NAALAD2: variants seen among roughly 807,000 people sequenced by gnomAD.
NAALAD2 encodes N-acetylated-alpha-linked acidic dipeptidase 2.
NAALAD2 carries 89 observed loss-of-function variants against 95.6 expected under a neutral mutation model. The ratio of observed to expected loss-of-function variants is 0.93; its 90% CI spans 0.78 to 1.11. NAALAD2 has a LOEUF of 1.11. NAALAD2 is among the 50% of genes least tolerant of loss of function. The pLI is 0.00. For synonymous variants in NAALAD2, 264 were observed against 294.4 expected, an observed-to-expected ratio of 0.90 and a Z score of 1.06; for missense variants, 894 against 872.4, an observed-to-expected ratio of 1.02 and a Z score of -0.31.
At chr11:90,170,327 CTTTG>C (rs1419599222) in intron 13 of NAALAD2, among the ~76,000 whole-genome samples, 191 bp downstream of exon 13, 2 of 152,184 alleles carry the variant, frequency 1.3e-5, no homozygotes, top group African/African-American at 4.8e-5. Flanking sequence ...TCACCAGCTT[CTTTG>C]TTCTAGCAAT....
intron 15 of NAALAD2, among the ~76,000 whole-genome samples, chr11:90,177,313 C>CTT (rs200479754): frequency 1.3e-4 from 18 of 140,868 alleles, no homozygotes; most frequent in African/African-American, 4.1e-4. Flanking sequence ...TGCCCAGAAC[C>CTT]TTTTTTTTTT....
At chr11:90,164,104 T>G in intron 11 of NAALAD2, 1 of 174,696 alleles carries the variant, frequency 5.7e-6, no homozygotes, top group Non-Finnish European at 1.2e-5. Context: ...ATAAGTATAC[T>G]TTAGCATTTA....
Position 90,158,176 on chromosome 11 carries a change from A to C in NAALAD2, c.828A>C (p.Gly276=). 1 of 1,609,788 alleles carries C rather than the reference A, an allele frequency of 6.2e-7. No individual in the cohort carries two copies. Reference sequence around the variant, plus strand: ...CTTTCAGACTTGATGTTGAAGAAGGAGTGGGAATCCCCCGAATACCTGTAC... The same window carrying C: ...CTTTCAGACTTGATGTTGAAGAAGGCGTGGGAATCCCCCGAATACCTGTAC... The part of the protein sequence containing the change: ...EYTFRLDVEE[G]VGIPRIPVHP... The change falls in exon 7 of 19, where the codon GGA becomes GGC. Residue 276 remains glycine, a synonymous_variant. Transcript: ENST00000534061.
intron 7 of NAALAD2, chr11:90,158,864 C>CT (rs1952201765): frequency 4.8e-6 from 1 of 206,922 alleles, no homozygotes; most frequent in South Asian, 8.4e-5. Flanking sequence ...TAATCAGCAG[C>CT]TTTTTTACAA....
intron 4 of NAALAD2, 143 bp from the exon 5 acceptor site, chr11:90,150,339 A>G (rs1951853712): frequency 6.8e-6 from 3 of 440,438 alleles, no homozygotes; most frequent in East Asian, 3.4e-5. Flanking sequence ...TGAATTCTGC[A>G]TAATTACTGT....
intron 18 of NAALAD2, among the ~76,000 whole-genome samples, chr11:90,186,184 C>A (rs552326807): frequency 2.6e-5 from 4 of 151,568 alleles, no homozygotes; most frequent in Non-Finnish European, 5.9e-5. Context: ...CTCCTCCCCC[C>A]ACCCCACCAC....
intron 14 of NAALAD2, 133 bp downstream of exon 14, chr11:90,174,048 C>T: frequency 1.4e-6 from 1 of 698,682 alleles, no homozygotes; most frequent in East Asian, 2.8e-5. Flanking sequence ...TGAAGAATTC[C>T]TGGCCGAGCC....
At chr11:90,156,603 C>A (rs1952125328) in intron 6 of NAALAD2, among the ~76,000 whole-genome samples, 2 of 151,890 alleles carry the variant, frequency 1.3e-5, no homozygotes, top group South Asian at 4.2e-4. Context: ...AGACAAGATT[C>A]CACTCTGTCA....
At chr11:90,141,169 T>C (rs1028990344) in intron 2 of NAALAD2, among the ~76,000 whole-genome samples, 15 of 152,184 alleles carry the variant, frequency 9.9e-5, no homozygotes, top group African/African-American at 2.7e-4. Context: ...TAGAATGATT[T>C]CTCTTACCTT....
intron 11 of NAALAD2, among the ~76,000 whole-genome samples, chr11:90,167,127 G>A (rs1215502727): frequency 6.6e-6 from 1 of 152,216 alleles, no homozygotes; most frequent in African/African-American, 2.4e-5. Context: ...CTGCACTGTG[G>A]GAGCCCCTTT....
intron 8 of NAALAD2, among the ~76,000 whole-genome samples, chr11:90,162,108 G>C (rs1450973756): frequency 6.6e-6 from 1 of 152,048 alleles, no homozygotes; most frequent in African/African-American, 2.4e-5. Flanking sequence ...TCACAAACTA[G>C]AAACAACGGA....
rs748421246 is a variant in NAALAD2 at position 90,192,014 on chromosome 11, G to A, written c.*267G>A. The A allele has an allele frequency of 1.3e-4, 28 of 212,750 alleles. No individual in the cohort carries two copies. The highest frequency in any genetic ancestry group is 2.3e-4 in the Non-Finnish European group (25 of 108,330). 13.2% of individuals were successfully genotyped at this position (212,750 alleles called of 1,614,324 possible). A position where few individuals can be genotyped will look rare whatever the true frequency, so the allele number is the denominator to read the frequency against. ...TTCCCTAAATTATAGCAAGGAACAT[G>A]AATTCTCAGACATTGTGAGTGTGGG... On this transcript the variant is annotated 3_prime_UTR_variant, in exon 19 of 19. Transcript: ENST00000534061.
chr11:90,178,768 AT>A (rs1342325497), intron 16 of NAALAD2, among the ~76,000 whole-genome samples: 1 of 152,208 alleles, frequency 6.6e-6, no homozygotes, highest in African/African-American at 2.4e-5. Context: ...TTACATACGT[AT>A]TTTTAATTAT....
intron 8 of NAALAD2, chr11:90,162,459 T>G (rs1952323506): frequency 6.6e-6 from 1 of 152,054 alleles, no homozygotes; most frequent in East Asian, 1.9e-4. Context: ...ACATATCATT[T>G]CCATAATCAT....
intron 14 of NAALAD2, among the ~76,000 whole-genome samples, chr11:90,174,728 GTTT>G (rs1294605813): frequency 6.6e-6 from 1 of 151,414 alleles, no homozygotes; most frequent in Non-Finnish European, 1.5e-5. Context: ...ATATTTATTT[GTTT>G]TTATTTTCTT....
intron 11 of NAALAD2, chr11:90,164,086 T>C: frequency 5.3e-6 from 1 of 189,670 alleles, no homozygotes; most frequent in Middle Eastern, 2.2e-3. Flanking sequence ...CCATTTAAAA[T>C]GGCAACCATA....
At chr11:90,146,804 C>T (rs1355399640) in intron 2 of NAALAD2, among the ~76,000 whole-genome samples, 3 of 152,080 alleles carry the variant, frequency 2.0e-5, no homozygotes, top group Non-Finnish European at 1.5e-5. Context: ...CAAGCCTGTA[C>T]ATTTTGGGTA....
At chr11:90,155,693 ATATG>A (rs1291548606) in intron 6 of NAALAD2, among the ~76,000 whole-genome samples, 18 of 45,898 alleles carry the variant, frequency 3.9e-4, no homozygotes, top group African/African-American at 1.8e-3. Context: ...ACATACATAC[ATATG>A]TATGTATTAT....
intron 7 of NAALAD2, 95 bp downstream of exon 7, chr11:90,158,333 A>T: frequency 1.2e-6 from 1 of 838,472 alleles, no homozygotes; most frequent in Non-Finnish European, 2.0e-6. Context: ...TGTTAAACAC[A>T]AAGTTTTATA....
Sources: gnomAD v4.1 joint callset for allele counts (sites outside exome capture counted in the v4.1 genomes callset) on GRCh38, gnomAD v4.1.1 for gene constraint, MANE v1.5 for transcripts, NCBI Gene and HGNC (gene_info 2026-07-23, HGNC 2026-07-21) for gene names.